DMD: variants seen among roughly 807,000 people sequenced by gnomAD.
The protein encoded by DMD is dystrophin.
Under a neutral mutation model 330.1 loss-of-function variants are expected in DMD, and 63 were observed. That is an observed-to-expected ratio of 0.19 (90% confidence interval 0.16 to 0.24). The LOEUF is 0.24. Among genes scored for constraint, DMD ranks in the 10% least tolerant of loss-of-function variants. DMD has a pLI of 1.00. For synonymous variants in DMD, 1,223 were observed against 959.8 expected (o/e 1.27, Z -5.07); for missense variants, 3,344 against 2,684.1 (o/e 1.25, Z -5.43).
intron 47 of DMD, among the ~76,000 whole-genome samples, chrX:31,916,363 T>C (rs1271170424): frequency 8.9e-6 from 1 of 112,226 alleles, no homozygotes; most frequent in Non-Finnish European, 1.9e-5. Context: ...TTAACTGATA[T>C]ATAGGGGAAA....
chrX:33,306,201 T>G (rs762810621), intron 1 of DMD, among the ~76,000 whole-genome samples: 1 of 111,944 alleles, frequency 8.9e-6, no homozygotes, highest in African/African-American at 3.2e-5. Flanking sequence ...TTTACCACAG[T>G]GATGCTGGCT....
At chrX:32,329,851 C>G (rs1479921209) in intron 41 of DMD, among the ~76,000 whole-genome samples, 1 of 112,529 alleles carries the variant, frequency 8.9e-6, no homozygotes, top group Non-Finnish European at 1.9e-5. Flanking sequence ...TCCAGAAAAA[C>G]AGTTAACAAT....
intron 51 of DMD, among the ~76,000 whole-genome samples, chrX:31,743,346 C>G (rs2149083348): frequency 8.9e-6 from 1 of 112,432 alleles, no homozygotes; most frequent in East Asian, 2.8e-4. Context: ...CATTACTGGG[C>G]ATATAGCCCA....
chrX:31,729,525 T>C (rs751744839), intron 52 of DMD, 106 bp downstream of exon 52: 56 of 625,120 alleles, frequency 9.0e-5, no homozygotes, highest in Non-Finnish European at 1.5e-4. Context: ...TTTACAATTA[T>C]TTCACATTAT....
At position 31,208,851 on chromosome X, in the gene DMD, GA is replaced by G. The variant is rs1371907675; in HGVS notation, c.9563+646del. Among the ~76,000 whole-genome samples the G allele has an allele frequency of 2.5e-3, 252 of 101,166 alleles. 1 individual carries two copies. The highest frequency in any genetic ancestry group is 7.4e-3 in the African/African-American group (207 of 27,869). 87.9% of individuals were successfully genotyped at this position (101,166 alleles called of 115,157 possible). A position where few individuals can be genotyped will look rare whatever the true frequency, so the allele number is the denominator to read the frequency against. On this transcript the variant is annotated intron_variant, in intron 65 of 78. Coordinates refer to ENST00000357033, the MANE Select transcript of DMD (RefSeq NM_004006.3). ...CTTCAATTGTCTTCATTAAGCTCAA[GA>G]AAAAAAAAAATCAGAACTGGGGATA...
chrX:32,535,986 G>A (rs2047920175), intron 17 of DMD, among the ~76,000 whole-genome samples: 1 of 111,418 alleles, frequency 9.0e-6, no homozygotes, highest in Non-Finnish European at 1.9e-5. Flanking sequence ...CTGAGAAGTG[G>A]CCTGGCACTG....
intron 1 of DMD, among the ~76,000 whole-genome samples, chrX:33,127,427 T>C (rs1291074994): frequency 9.0e-6 from 1 of 111,257 alleles, no homozygotes; most frequent in Non-Finnish European, 1.9e-5. Context: ...GTTTAACCTC[T>C]AAAATCATTC....
chrX:31,195,919 A>T (rs1263209645), intron 67 of DMD, among the ~76,000 whole-genome samples: 1 of 111,771 alleles, frequency 8.9e-6, no homozygotes, highest in Non-Finnish European at 1.9e-5. Context: ...CTACTTTAGA[A>T]GGATGAAGAT....
intron 7 of DMD, among the ~76,000 whole-genome samples, chrX:32,762,328 T>G (rs757066022): frequency 1.6e-3 from 173 of 111,010 alleles, no homozygotes; most frequent in Non-Finnish European, 2.8e-3. Context: ...TGCTATTCAT[T>G]TATTTATCCA....
intron 53 of DMD, among the ~76,000 whole-genome samples, chrX:31,663,925 T>C (rs2081273893): frequency 4.5e-5 from 5 of 112,128 alleles, no homozygotes; most frequent in African/African-American, 1.6e-4. Flanking sequence ...TCTGCCATCA[T>C]CGTTCCACTA....
At chrX:33,008,917 TATATATAC>T in intron 2 of DMD, among the ~76,000 whole-genome samples, 1 of 82,441 alleles carries the variant, frequency 1.2e-5, no homozygotes, top group African/African-American at 3.9e-5. Flanking sequence ...CTCATATATG[TATATATAC>T]ATGTATATAT....
At chrX:32,537,119 T>C (rs1321463886) in intron 17 of DMD, among the ~76,000 whole-genome samples, 1 of 111,902 alleles carries the variant, frequency 8.9e-6, no homozygotes, top group African/African-American at 3.2e-5. Context: ...GGTTGCTCAC[T>C]GCACAAGTTC....
Position 32,565,748 on chromosome X carries a change from C to T in DMD, c.1946G>A (p.Arg649Gln), listed in dbSNP as rs749004200. The T allele has an allele frequency of 1.3e-5, 16 of 1,209,819 alleles. No individual in the cohort carries two copies. In the South Asian group the frequency reaches 1.6e-4, roughly 12 times the overall value. Residue 649 changes from arginine to glutamine, a missense_variant, in exon 16 of 79, where the codon CGG (arginine) becomes CAG (glutamine). By Grantham distance (43) the Arg-to-Gln change is conservative. Coordinates refer to ENST00000357033, the MANE Select transcript of DMD (RefSeq NM_004006.3). ...KTEAWLDNFA[R>Q]CWDNLVQKLE... ...TTTTTGGACTAAATTATCCCAACAC[C>T]GGGCAAAGTTATCCAGCCATGCTTC...
intron 5 of DMD, among the ~76,000 whole-genome samples, chrX:32,821,454 G>T (rs764379997): frequency 2.9e-5 from 1 of 34,961 alleles, no homozygotes; most frequent in Non-Finnish European, 5.8e-5. Context: ...GGGCGTGGTG[G>T]GGGGGCGCCT....
At position 32,416,186 on chromosome X, in the gene DMD, AT is replaced by A. The variant is rs573356712; in HGVS notation, c.4072-4274del. 9.8e-5 allele frequency among the ~76,000 whole-genome samples: 11 copies of A among 112,407 alleles called. No individual in the cohort carries two copies. In the South Asian group the frequency reaches 4.0e-3, roughly 41 times the overall value. ...TTTAAAAAGCCAAATTAGAAAAAAA[AT>A]CATTTAATAATATTTTACAAAAAAC... On this transcript the variant is annotated intron_variant, in intron 29 of 78. Transcript: ENST00000357033.
chrX:32,626,706 C>A (rs1249458149), intron 11 of DMD, among the ~76,000 whole-genome samples: 1 of 103,376 alleles, frequency 9.7e-6, no homozygotes, highest in Admixed American at 1.0e-4. Flanking sequence ...GGAGAAATAC[C>A]TAATGTAAAT....
At chrX:32,472,643 T>C (rs796599133) in intron 21 of DMD, among the ~76,000 whole-genome samples, 1 of 110,720 alleles carries the variant, frequency 9.0e-6, no homozygotes, top group Non-Finnish European at 1.9e-5. Context: ...GTGATACAGA[T>C]GGTATTTGCA....
At chrX:32,679,725 G>T (rs983492869) in intron 9 of DMD, among the ~76,000 whole-genome samples, 23 of 108,611 alleles carry the variant, frequency 2.1e-4, no homozygotes, top group Admixed American at 9.9e-5. Context: ...TAATAAAATA[G>T]AAGTTTTAAT....
At chrX:32,125,000 TAC>T (rs981997019) in intron 44 of DMD, among the ~76,000 whole-genome samples, 1 of 103,995 alleles carries the variant, frequency 9.6e-6, no homozygotes, top group African/African-American at 3.5e-5. Flanking sequence ...GTAGTTGGAG[TAC>T]AGAGAATGAG....
Sources: allele counts gnomAD v4.1 joint callset (sites outside exome capture counted in the v4.1 genomes callset), GRCh38; gene constraint gnomAD v4.1.1; transcripts MANE v1.5; gene names NCBI Gene and HGNC (gene_info 2026-07-23, HGNC 2026-07-21).